Variants in FSTL5 observed in about 807,000 individuals in gnomAD.
FSTL5 encodes the protein follistatin-related protein 5.
In FSTL5, 62 loss-of-function variants were observed where a neutral mutation model predicts 89.1. The observed-to-expected ratio is 0.70, with a 90% confidence interval of 0.57 to 0.86. The LOEUF is 0.86. FSTL5 is among the 40% of genes least tolerant of loss of function. FSTL5 has a pLI of 0.00. For synonymous variants in FSTL5, 383 were observed against 346.2 expected, an observed-to-expected ratio of 1.11 and a Z score of -1.18; for missense variants, 1,057 against 1,001.6, an observed-to-expected ratio of 1.06 and a Z score of -0.75.
intron 5 of FSTL5, 23 bp downstream of exon 5, chr4:161,775,855 G>C: frequency 8.0e-7 from 1 of 1,246,284 alleles, no homozygotes; most frequent in South Asian, 1.8e-5. Flanking sequence ...CAGTAAGTTT[G>C]TTAATATAGT....
intron 3 of FSTL5, among the ~76,000 whole-genome samples, chr4:162,015,880 A>G (rs1736903289): frequency 6.6e-6 from 1 of 152,182 alleles, no homozygotes; most frequent in Non-Finnish European, 1.5e-5. Context: ...AAGGAGTTTC[A>G]TATGCTGGAT....
At chr4:162,114,487 C>T (rs1336625085) in intron 1 of FSTL5, among the ~76,000 whole-genome samples, 1 of 151,232 alleles carries the variant, frequency 6.6e-6, no homozygotes, top group Admixed American at 6.6e-5. Flanking sequence ...CCTCCCTCTC[C>T]TTTTCTCTCT....
At chr4:161,636,087 C>T (rs1268010674) in intron 7 of FSTL5, among the ~76,000 whole-genome samples, 2 of 133,032 alleles carry the variant, frequency 1.5e-5, no homozygotes, top group Non-Finnish European at 3.2e-5. Flanking sequence ...TGGTAATTGA[C>T]AGCAAAAAAA....
intron 1 of FSTL5, among the ~76,000 whole-genome samples, chr4:162,162,966 C>T (rs767956112): frequency 6.6e-6 from 1 of 152,200 alleles, no homozygotes; most frequent in Non-Finnish European, 1.5e-5. Flanking sequence ...AAACAGCCCC[C>T]AACTTGGAAA....
intron 5 of FSTL5, among the ~76,000 whole-genome samples, chr4:161,773,102 C>G (rs923716685): frequency 1.3e-5 from 2 of 152,058 alleles, no homozygotes; most frequent in African/African-American, 2.4e-5. Context: ...GGGAAGGACA[C>G]TCTATTCAAC....
intron 7 of FSTL5, among the ~76,000 whole-genome samples, chr4:161,611,908 TG>T (rs1734668820): frequency 6.6e-6 from 1 of 152,146 alleles, no homozygotes; most frequent in African/African-American, 2.4e-5. Context: ...TAGTTAAAAC[TG>T]CGGATGTCAT....
chr4:161,655,155 G>A (rs1387255670), intron 7 of FSTL5, among the ~76,000 whole-genome samples: 1 of 152,082 alleles, frequency 6.6e-6, no homozygotes, highest in Non-Finnish European at 1.5e-5. Context: ...GCTATAGGCT[G>A]TTTCTCAACC....
At chr4:161,498,895 G>A (rs12331209) in intron 12 of FSTL5, among the ~76,000 whole-genome samples, 28,820 of 151,882 alleles carry the variant, frequency 0.19, 3,488 homozygotes, top group African/African-American at 0.34. Context: ...TAATGATAAC[G>A]TTTAAGATTA....
At chr4:162,078,038 T>A (rs1451781396) in intron 2 of FSTL5, among the ~76,000 whole-genome samples, 1 of 151,878 alleles carries the variant, frequency 6.6e-6, no homozygotes, top group Admixed American at 6.6e-5. Flanking sequence ...GTTAACAGCA[T>A]AAACTAACTC....
chr4:161,524,887 G>C lies in FSTL5; in HGVS notation c.1312+13279C>G, dbSNP rs996961988. On this transcript the variant is annotated intron_variant, in intron 10 of 15. Transcript: ENST00000306100. ...GCAGGAGAACCTCTTGAACCTGGGA[G>C]GGGGAGGTTGCAGTAAGCTGAGATC... Among the ~76,000 whole-genome samples, 8 of 152,036 alleles carry C rather than the reference G, an allele frequency of 5.3e-5. No homozygotes were observed. In the East Asian group the frequency reaches 1.2e-3, roughly 22 times the overall value.
chr4:162,026,311 T>TTTTTTTTTTTTTTTTTTTTTTTTTTTG, intron 3 of FSTL5, among the ~76,000 whole-genome samples: 1 of 124,388 alleles, frequency 8.0e-6, no homozygotes, highest in Non-Finnish European at 1.7e-5. Context: ...TTTCTTTTTT[T>TTTTTTTTTTTTTTTTTTTTTTTTTTTG]TTTTTTTTCT....
At chr4:161,635,907 CAT>C (rs1735672065) in intron 7 of FSTL5, among the ~76,000 whole-genome samples, 1 of 152,098 alleles carries the variant, frequency 6.6e-6, no homozygotes, top group Non-Finnish European at 1.5e-5. Context: ...TGCCAACAAA[CAT>C]ATTTCTAATA....
intron 15 of FSTL5, among the ~76,000 whole-genome samples, chr4:161,389,076 T>C (rs1438327127): frequency 6.6e-6 from 1 of 152,104 alleles, no homozygotes; most frequent in East Asian, 1.9e-4. Flanking sequence ...TCACTGCTGA[T>C]TTATTGATTA....
At position 161,647,021 on chromosome 4, in the gene FSTL5, T is replaced by A. The variant is rs138513265; in HGVS notation, c.894+9307A>T. Among the ~76,000 whole-genome samples the A allele has an allele frequency of 2.6e-3, 390 of 152,324 alleles. 3 individuals are homozygous for A. The highest frequency in any genetic ancestry group is 9.2e-3 in the African/African-American group (382 of 41,576). On this transcript the variant is annotated intron_variant, in intron 7 of 15. Coordinates refer to ENST00000306100, the MANE Select transcript of FSTL5 (RefSeq NM_020116.5). ...TTAGTTTGATGTATTCCCATTTACC[T>A]ATTTTTGTTTTTGTTGCCTGTGCTT... is the stretch of plus-strand genomic sequence containing the variant.
chr4:161,943,343 T>G (rs1734643165), intron 3 of FSTL5, among the ~76,000 whole-genome samples: 2 of 151,734 alleles, frequency 1.3e-5, no homozygotes, highest in Admixed American at 1.3e-4. Flanking sequence ...ATACTTGTTA[T>G]TAGTTTTAAG....
chr4:161,761,844 T>G (rs1445287301), intron 5 of FSTL5, among the ~76,000 whole-genome samples: 1 of 152,222 alleles, frequency 6.6e-6, no homozygotes, highest in African/African-American at 2.4e-5. Context: ...ATTTTCTTAT[T>G]CTAAATATTT....
chr4:161,712,822 G>A (rs1327084436), intron 6 of FSTL5, among the ~76,000 whole-genome samples: 2 of 151,462 alleles, frequency 1.3e-5, no homozygotes, highest in African/African-American at 2.4e-5. Flanking sequence ...TTGCTTAAAA[G>A]GGCTTGACCC....
chr4:162,067,411 T>C (rs1211163694), intron 2 of FSTL5, among the ~76,000 whole-genome samples: 1 of 152,092 alleles, frequency 6.6e-6, no homozygotes, highest in Non-Finnish European at 1.5e-5. Context: ...TGATTCCATG[T>C]TTTTGCTATT....
chr4:161,835,426 T>C (rs1731005057), intron 4 of FSTL5, among the ~76,000 whole-genome samples: 2 of 152,186 alleles, frequency 1.3e-5, no homozygotes, highest in Admixed American at 6.5e-5. Context: ...CCAAAAGTAA[T>C]GGCAACAAAA....
Sources: gnomAD v4.1 joint callset for allele counts (sites outside exome capture counted in the v4.1 genomes callset) on GRCh38, gnomAD v4.1.1 for gene constraint, MANE v1.5 for transcripts, NCBI Gene and HGNC (gene_info 2026-07-23, HGNC 2026-07-21) for gene names.